Variants in SPTAN1 observed in about 807,000 individuals in gnomAD.
SPTAN1 encodes spectrin alpha, non-erythrocytic 1.
Under a neutral mutation model 331.3 loss-of-function variants are expected in SPTAN1, and 61 were observed. That is an observed-to-expected ratio of 0.18 (90% CI 0.15 to 0.23). The LOEUF (loss-of-function observed/expected upper bound fraction) is 0.23, where lower values mean the gene tolerates loss of function less well. SPTAN1 is among the 10% of genes least tolerant of loss of function. The pLI, the probability that SPTAN1 is intolerant of heterozygous loss-of-function variation, is 1.00. For missense variants in SPTAN1, 2,043 were observed against 3,147.9 expected (o/e 0.65, Z 8.40); for synonymous variants, 1,153 against 1,173.9 (o/e 0.98, Z 0.36).
At position 128,601,869 on chromosome 9, in the gene SPTAN1, A is replaced by G. The variant is rs1399212093; in HGVS notation, c.3580-1674A>G. ...TCTGACTATTCTCCTCATTAAGTAG[A>G]TTTCTAACTGGGCCAGGCATGGGTA... On this transcript the variant is annotated intron_variant, in intron 27 of 56. Coordinates refer to ENST00000372739, the MANE Select transcript of SPTAN1 (RefSeq NM_001130438.3). Among the ~76,000 whole-genome samples the G allele has an allele frequency of 3.3e-5, 5 of 152,136 alleles. 1 individual carries two copies. The East Asian group carries it at 7.7e-4, about 23-fold the overall frequency.
intron 1 of SPTAN1, among the ~76,000 whole-genome samples, chr9:128,557,237 T>G (rs1427060767): frequency 6.6e-6 from 1 of 152,238 alleles, no homozygotes; most frequent in Non-Finnish European, 1.5e-5. Context: ...GAATTCATTT[T>G]GTAGTATTCC....
At position 128,575,242 on chromosome 9, in the gene SPTAN1, A is replaced by G; in HGVS notation, c.548A>G (p.His183Arg). The change falls in exon 5 of 57, where the codon CAT becomes CGT. Residue 183 changes from histidine to arginine, a missense_variant. Physicochemically the swap from His to Arg is conservative, Grantham distance 29 (BLOSUM62 0). This residue lies in a region of SPTAN1 where 1,038 missense variants were observed against 1,531.5 expected (regional missense o/e 0.68). Transcript: ENST00000372739. Reference sequence around the variant, plus strand: ...GAAGAGCTGGGCCAGGATCTGGAGCATGTAGAGGTTTTACAGAAGAAATTT... The same window carrying G: ...GAAGAGCTGGGCCAGGATCTGGAGCGTGTAGAGGTTTTACAGAAGAAATTT... ...TSEELGQDLE[H>R]VEVLQKKFEE... 1.2e-6 allele frequency: 2 copies of G among 1,614,216 alleles called. No homozygotes were observed. The highest frequency in any genetic ancestry group is 1.7e-6 in the Non-Finnish European group (2 of 1,180,034).
rs757364140 is a variant in SPTAN1, at chr9:128,608,951, T to C, written c.4569T>C (p.Ser1523=). The C allele has an allele frequency of 6.2e-7, 1 of 1,614,248 alleles. No individual in the cohort carries two copies. Among genetic ancestry groups the C allele is most frequent in the Admixed American group, 1.7e-5 (1 of 60,028 alleles). The change falls in exon 35 of 57, where the codon TCT becomes TCC. Residue 1523 remains serine (S), a synonymous_variant. Transcript: ENST00000372739. ...GCCATTATGCCAAGGGAGACATTTCTAGCCGGCGCAATGAGGTCTTGGACA... is the reference window on the plus strand; with the variant it reads ...GCCATTATGCCAAGGGAGACATTTCCAGCCGGCGCAATGAGGTCTTGGACA... ...AAGHYAKGDI[S]SRRNEVLDRW... is the part of the protein sequence containing the mutation.
At chr9:128,618,305 A>ACTGTATGAGTCCAGAATCATACATGTTT (rs1482179524) in intron 43 of SPTAN1, among the ~76,000 whole-genome samples, 197 bp downstream of exon 43, 2 of 152,058 alleles carry the variant, frequency 1.3e-5, no homozygotes, top group East Asian at 3.9e-4. Context: ...ATCTGGACCC[A>ACTGTATGAGTCCAGAATCATACATGTTT]CTGTATGAGT....
chr9:128,615,900 C>G, intron 41 of SPTAN1, 60 bp downstream of exon 41: 1 of 1,568,022 alleles, frequency 6.4e-7, no homozygotes, highest in Non-Finnish European at 8.8e-7. Flanking sequence ...CAGCAGGAAC[C>G]ACAGGCTGAC....
At chr9:128,572,706 C>A (rs1294269990) in intron 3 of SPTAN1, among the ~76,000 whole-genome samples, 1 of 152,156 alleles carries the variant, frequency 6.6e-6, no homozygotes, top group African/African-American at 2.4e-5. Flanking sequence ...AGGTGGGTGG[C>A]ATGTGAGGGC....
rs1589211921 is a variant in SPTAN1, at chr9:128,582,481, A to G, written c.1575A>G (p.Ala525=). The G allele has an allele frequency of 6.2e-7, 1 of 1,614,066 alleles. No homozygotes were observed. The highest frequency in any genetic ancestry group is 8.5e-7 in the Non-Finnish European group (1 of 1,180,028). ...SLSAQEEKIT[A]LDEFATKLIQ... ...AGAACTCTTATCTTCCTTCCTAGGC[A>G]TTAGATGAATTTGCAACCAAGCTAA... Residue 525 remains alanine, a splice_region_variant and synonymous_variant, in exon 13 of 57, where the codon GCA becomes GCG. Transcript: ENST00000372739.
intron 51 of SPTAN1, chr9:128,628,326 G>A (rs2132007309): frequency 2.6e-6 from 1 of 389,478 alleles, no homozygotes; most frequent in East Asian, 6.5e-5. Context: ...TCCAACAGTG[G>A]TCAGTGGGCA....
chr9:128,618,880 G>A lies in SPTAN1; in HGVS notation c.5610G>A (p.Arg1870=). 6.2e-7 allele frequency: 1 copy of A among 1,614,200 alleles called. No homozygotes were observed. Among genetic ancestry groups the A allele is most frequent in the Non-Finnish European group, 8.5e-7 (1 of 1,180,032 alleles). The change falls in exon 44 of 57, where the codon CGG becomes CGA. Residue 1870 remains arginine, a synonymous_variant. Transcript: ENST00000372739. ...TGTCTCCTGTAATTAGGGGTCAGCG[G>A]CTGGAAGAGTCCTTGGAATATCAGC... ...LKQLAAARGQ[R]LEESLEYQQF... is the part of the protein sequence containing the mutation.
chr9:128,632,721 AAATT>A lies in SPTAN1; in HGVS notation c.7160+10_7160+13del, dbSNP rs554161838. 3.0e-4 allele frequency: 492 copies of A among 1,613,932 alleles called. 3 individuals carry two copies. The East Asian group carries it at 6.5e-3, about 21-fold the overall frequency. ...CTGGACACGGTGGATCCGAACAGGT[AAATT>A]AATTAAGGCCAGGTGCTGTGAGCCT... On this transcript the variant is annotated splice_donor_5th_base_variant and intron_variant, in intron 55 of 56. Transcript: ENST00000372739.
At chr9:128,630,566 C>T (rs1055970541) in intron 52 of SPTAN1, 191 bp downstream of exon 52, 1 of 589,588 alleles carries the variant, frequency 1.7e-6, no homozygotes, top group Non-Finnish European at 3.0e-6. Flanking sequence ...GAATCTCTCT[C>T]TCGCCCAGGC....
intron 17 of SPTAN1, 86 bp from the exon 18 acceptor site, chr9:128,584,635 G>A (rs1852347386): frequency 6.2e-7 from 1 of 1,614,000 alleles, no homozygotes; most frequent in Non-Finnish European, 8.5e-7. Flanking sequence ...TATTGAACTG[G>A]AACCATGGTG....
intron 1 of SPTAN1, among the ~76,000 whole-genome samples, chr9:128,558,867 AATG>A: frequency 6.6e-6 from 1 of 152,132 alleles, no homozygotes; most frequent in Non-Finnish European, 1.5e-5. Context: ...AGGAATTCTT[AATG>A]ATATTTATGA....
intron 56 of SPTAN1, 117 bp downstream of exon 56, chr9:128,633,072 T>G: frequency 6.3e-7 from 1 of 1,592,400 alleles, no homozygotes. Context: ...CATTTACAAA[T>G]CAAACTCAGT....
intron 3 of SPTAN1, among the ~76,000 whole-genome samples, chr9:128,571,360 G>A (rs528258943): frequency 1.3e-5 from 2 of 151,868 alleles, no homozygotes; most frequent in African/African-American, 4.8e-5. Context: ...TGAGATGGGC[G>A]GATCATCTGA....
At chr9:128,606,416 G>A (rs1346971304) in intron 31 of SPTAN1, among the ~76,000 whole-genome samples, 1 of 138,598 alleles carries the variant, frequency 7.2e-6, no homozygotes, top group Non-Finnish European at 1.5e-5. Flanking sequence ...TCCTATCCAA[G>A]TATGGGCATA....
intron 15 of SPTAN1, 134 bp downstream of exon 15, chr9:128,583,415 T>C (rs1011125959): frequency 1.1e-6 from 1 of 934,636 alleles, no homozygotes; most frequent in South Asian, 1.4e-5. Context: ...TAATTTCCTG[T>C]GTAGGAATTA....
Position 128,585,868 on chromosome 9 carries a change from A to G in SPTAN1, c.2681A>G (p.Gln894Arg). 1 of 1,614,172 alleles carries G rather than the reference A, an allele frequency of 6.2e-7. No individual in the cohort carries two copies. Among genetic ancestry groups the G allele is most frequent in the Non-Finnish European group, 8.5e-7 (1 of 1,180,038 alleles). Reference protein sequence around the residue: ...QDLEDSLQAQQYFADANEAES... With the variant: ...QDLEDSLQAQRYFADANEAES... ...CTGGAGGACTCTCTGCAGGCCCAGC[A>G]GTACTTTGCTGATGCTAACGAGGCT... is the stretch of plus-strand genomic sequence containing the variant. The change falls in exon 19 of 57, where the codon CAG becomes CGG. Residue 894 changes from glutamine to arginine, a missense_variant. Transcript: ENST00000372739.
intron 53 of SPTAN1, 25 bp downstream of exon 53, chr9:128,632,348 G>A: frequency 6.2e-7 from 1 of 1,613,462 alleles, no homozygotes; most frequent in Non-Finnish European, 8.5e-7. Flanking sequence ...TGTGGGCCAG[G>A]CTCAGCCCAG....
Sources: gnomAD v4.1 joint callset for allele counts (sites outside exome capture counted in the v4.1 genomes callset) on GRCh38, gnomAD v4.1.1 for gene constraint, gnomAD v4.1.1 regional missense constraint, MANE v1.5 for transcripts, NCBI Gene and HGNC (gene_info 2026-07-23, HGNC 2026-07-21) for gene names.